The following WDR49 variants were observed in gnomAD, a reference collection of about 807,000 sequenced individuals.
The protein encoded by WDR49 is cilia- and flagella-associated protein 337.
WDR49 carries 107 observed loss-of-function variants against 119.5 expected under a neutral mutation model. The observed-to-expected ratio is 0.90, with a 90% CI of 0.77 to 1.05. The LOEUF (loss-of-function observed/expected upper bound fraction) is 1.05, where lower values mean the gene tolerates loss of function less well. Ranked by LOEUF, WDR49 falls within the 50% of genes least tolerant of loss-of-function variation. The pLI is 0.00. For synonymous variants in WDR49, 425 were observed against 418.8 expected (o/e 1.01, Z -0.18); for missense variants, 1,240 against 1,220.5 (o/e 1.02, Z -0.24).
At chr3:167,527,108 T>C (rs1752664807) in intron 15 of WDR49, among the ~76,000 whole-genome samples, 1 of 152,112 alleles carries the variant, frequency 6.6e-6, no homozygotes, top group South Asian at 2.1e-4. Context: ...GCAAGTCAGA[T>C]CTTGAGAAAG....
chr3:167,606,771 A>T lies in WDR49; in HGVS notation c.959-2303T>A, dbSNP rs538634496. ...GCCTAGAATTTACCTGGATTGTGTTATAAGGGCAGAGAGGGCAGTGAGTGA... is the reference window on the plus strand; with the variant it reads ...GCCTAGAATTTACCTGGATTGTGTTTTAAGGGCAGAGAGGGCAGTGAGTGA... On this transcript the variant is annotated intron_variant, in intron 5 of 18. Coordinates refer to ENST00000682715, the MANE Select transcript of WDR49 (RefSeq NM_001366157.1). Among the ~76,000 whole-genome samples the T allele has an allele frequency of 2.6e-5, 4 of 152,310 alleles. No homozygotes were observed. The East Asian group carries it at 5.8e-4, about 22-fold the overall frequency.
chr3:167,601,525 G>T (rs1050434094), intron 7 of WDR49, among the ~76,000 whole-genome samples: 3 of 152,108 alleles, frequency 2.0e-5, no homozygotes, highest in African/African-American at 7.2e-5. Context: ...GACTCTTAGA[G>T]ATGAAGAAAT....
At chr3:167,591,738 T>C (rs188438665) in intron 7 of WDR49, among the ~76,000 whole-genome samples, 8 of 152,256 alleles carry the variant, frequency 5.3e-5, no homozygotes, top group Non-Finnish European at 1.0e-4. Flanking sequence ...CATTCTGGCA[T>C]GGAATATCAT....
At chr3:167,562,897 G>T (rs956341528) in intron 8 of WDR49, among the ~76,000 whole-genome samples, 1 of 152,212 alleles carries the variant, frequency 6.6e-6, no homozygotes, top group African/African-American at 2.4e-5. Flanking sequence ...TTATCACAGT[G>T]CATGGCATAG....
intron 2 of WDR49, among the ~76,000 whole-genome samples, chr3:167,637,588 T>A (rs1432568374): frequency 6.6e-6 from 1 of 151,936 alleles, no homozygotes; most frequent in Non-Finnish European, 1.5e-5. Context: ...TTTGGCAGTA[T>A]GGTCATTTTC....
intron 16 of WDR49, among the ~76,000 whole-genome samples, chr3:167,510,411 G>A (rs967797272): frequency 6.6e-6 from 1 of 152,022 alleles, no homozygotes; most frequent in Non-Finnish European, 1.5e-5. Flanking sequence ...TATGTCCACT[G>A]TAGTTTTTTT....
rs1408349689 is a variant in WDR49 at position 167,621,489 on chromosome 3, G to T, written c.761C>A (p.Ser254Tyr). The T allele has an allele frequency of 3.9e-6, 6 of 1,532,744 alleles. No individual in the cohort carries two copies. The highest frequency in any genetic ancestry group is 5.2e-6 in the Non-Finnish European group (6 of 1,145,108). The allele number at this position is 1,532,744 out of a possible 1,614,324, so 94.9% of individuals were successfully genotyped here. A position where few individuals can be genotyped will look rare whatever the true frequency, so the allele number is the denominator to read the frequency against. The change falls in exon 4 of 19, where the codon TCT (serine) becomes TAT (tyrosine). Residue 254 changes from serine to tyrosine, a missense_variant. Physicochemically the swap from Ser to Tyr is moderately radical, Grantham distance 144. Transcript: ENST00000682715. ...TACCTTTCCAGTTATATCCCCAAAA[G>T]AAAGAATTGATTCATTGGCATCAAG... ...DPLDANESIL[S>Y]FGDITGKVQA...
At chr3:167,548,349 T>C (rs1357472775) in intron 10 of WDR49, among the ~76,000 whole-genome samples, 2 of 152,182 alleles carry the variant, frequency 1.3e-5, no homozygotes, top group East Asian at 3.9e-4. Context: ...TAATGGCACA[T>C]AGATTATCAT....
At chr3:167,577,578 G>C (rs571803449) in intron 7 of WDR49, among the ~76,000 whole-genome samples, 1 of 151,900 alleles carries the variant, frequency 6.6e-6, no homozygotes, top group African/African-American at 2.4e-5. Context: ...AATGCTATGA[G>C]AATTAAATGA....
chr3:167,549,631 C>T (rs1022679873), intron 10 of WDR49, among the ~76,000 whole-genome samples: 5 of 152,202 alleles, frequency 3.3e-5, no homozygotes, highest in African/African-American at 7.2e-5. Flanking sequence ...AATTTTCTCC[C>T]ATTCTGTAGG....
intron 10 of WDR49, among the ~76,000 whole-genome samples, chr3:167,547,110 T>C (rs1020662897): frequency 2.9e-4 from 44 of 151,946 alleles, no homozygotes; most frequent in Non-Finnish European, 5.6e-4. Flanking sequence ...AATTGCAACA[T>C]TGGAATATTC....
chr3:167,478,855 C>T lies in WDR49; in HGVS notation c.*23G>A. On this transcript the variant is annotated 3_prime_UTR_variant, in exon 19 of 19. Transcript: ENST00000682715. ...CATTTTATATCTGTACCTTATGTAA[C>T]AGTGAAGGTTTTTCTGTTGTAATTA... The T allele has an allele frequency of 6.8e-7, 1 of 1,474,318 alleles. No individual in the cohort carries two copies. The highest frequency in any genetic ancestry group is 9.4e-7 in the Non-Finnish European group (1 of 1,068,110). The allele number at this position is 1,474,318 out of a possible 1,614,324, so 91.3% of individuals were successfully genotyped here. A position where few individuals can be genotyped will look rare whatever the true frequency, so the allele number is the denominator to read the frequency against.
intron 2 of WDR49, among the ~76,000 whole-genome samples, chr3:167,630,200 G>A (rs1197938786): frequency 6.6e-6 from 1 of 152,094 alleles, no homozygotes; most frequent in East Asian, 1.9e-4. Flanking sequence ...CGTCTCAATC[G>A]TCAGCAACCA....
At chr3:167,629,111 G>A (rs1019049940) in intron 2 of WDR49, among the ~76,000 whole-genome samples, 1 of 152,052 alleles carries the variant, frequency 6.6e-6, no homozygotes, top group Non-Finnish European at 1.5e-5. Flanking sequence ...AAAGAAATGA[G>A]TTGGGCATCG....
chr3:167,554,614 A>T (rs1300135855), intron 10 of WDR49, 36 bp downstream of exon 10: 2 of 1,342,898 alleles, frequency 1.5e-6, no homozygotes, highest in Admixed American at 4.5e-5. Flanking sequence ...TTTTTCTTTT[A>T]GATTTTGATT....
intron 8 of WDR49, among the ~76,000 whole-genome samples, chr3:167,573,430 A>ACACACACACACAC (rs1553867426): frequency 1.4e-5 from 2 of 145,392 alleles, no homozygotes; most frequent in African/African-American, 5.2e-5. Flanking sequence ...ACACACACAC[A>ACACACACACACAC]ACACAAATAG....
At chr3:167,655,627 G>A (rs944499142), upstream of WDR49, among the ~76,000 whole-genome samples, 23 of 152,110 alleles carry the variant, frequency 1.5e-4, no homozygotes, top group Non-Finnish European at 2.6e-4. Context: ...GGCAGGGCAC[G>A]GTGGCTCATG....
intron 5 of WDR49, among the ~76,000 whole-genome samples, chr3:167,614,246 C>T (rs1325065576): frequency 7.9e-5 from 12 of 152,108 alleles, no homozygotes; most frequent in East Asian, 2.0e-4. Flanking sequence ...GGATTACAAG[C>T]GCCCACCACC....
chr3:167,480,571 T>G (rs1191608162), intron 18 of WDR49, among the ~76,000 whole-genome samples: 3 of 152,210 alleles, frequency 2.0e-5, no homozygotes, highest in Non-Finnish European at 4.4e-5. Flanking sequence ...AGATCTTTCC[T>G]CTTCTTCTCA....
Sources: gnomAD v4.1 joint callset for allele counts (sites outside exome capture counted in the v4.1 genomes callset) on GRCh38, gnomAD v4.1.1 for gene constraint, MANE v1.5 for transcripts, NCBI Gene and HGNC (gene_info 2026-07-23, HGNC 2026-07-21) for gene names.